PROX1: variants seen among roughly 807,000 people sequenced by gnomAD.
The protein encoded by PROX1 is prospero homeobox protein 1.
PROX1 carries 7 observed loss-of-function variants against 58.8 expected under a neutral mutation model. The observed-to-expected ratio is 0.12, with a 90% CI of 0.07 to 0.22. The LOEUF is 0.22. PROX1 is among the 10% of genes least tolerant of loss of function. The pLI is 1.00. For missense variants in PROX1, 675 were observed against 927.8 expected, an observed-to-expected ratio of 0.73 and a Z score of 3.54; for synonymous variants, 350 against 358.3, an observed-to-expected ratio of 0.98 and a Z score of 0.26.
At chr1:214,009,543 AG>A (rs931103404) in intron 3 of PROX1, among the ~76,000 whole-genome samples, 10 of 152,254 alleles carry the variant, frequency 6.6e-5, no homozygotes, top group African/African-American at 2.4e-4. Context: ...CCTGTTCCTT[AG>A]GCTGTTGGGC....
Position 214,036,892 on chromosome 1 carries a change from A to G in PROX1, c.*1058A>G, listed in dbSNP as rs1403629448. ...GTCATCTCCTAAGAGGAACACATAT[A>G]TTTTCACAAGCAATTCCACACTATC... On this transcript the variant is annotated 3_prime_UTR_variant, in exon 5 of 5. Transcript: ENST00000366958. The G allele has an allele frequency of 6.6e-6, 1 of 152,200 alleles. No homozygotes were observed. Among genetic ancestry groups the G allele is most frequent in the Non-Finnish European group, 1.5e-5 (1 of 68,042 alleles). 9.4% of individuals were successfully genotyped at this position (152,200 alleles called of 1,614,324 possible). A position where few individuals can be genotyped will look rare whatever the true frequency, so the allele number is the denominator to read the frequency against.
At chr1:214,007,896 C>T (rs959446344) in intron 3 of PROX1, among the ~76,000 whole-genome samples, 4 of 152,136 alleles carry the variant, frequency 2.6e-5, no homozygotes, top group African/African-American at 9.7e-5. Context: ...ATGAAACCTG[C>T]ATCATTTATC....
At chr1:214,034,330 C>T (rs1207810760) in intron 4 of PROX1, among the ~76,000 whole-genome samples, 2 of 152,154 alleles carry the variant, frequency 1.3e-5, no homozygotes, top group African/African-American at 2.4e-5. Context: ...TACTTTGGTA[C>T]GTGGCATGTC....
At chr1:213,990,261 G>C (rs1354812959) in intron 1 of PROX1, among the ~76,000 whole-genome samples, 1 of 151,876 alleles carries the variant, frequency 6.6e-6, no homozygotes, top group Non-Finnish European at 1.5e-5. Context: ...TGTCAAGAAA[G>C]ACAGGTGCAA....
Position 214,039,970 on chromosome 1 carries a change from C to A in PROX1, c.*4136C>A. ...AAGCAGTGTATATGTGAAGACAGTG[C>A]AAAAATCTCTTTGCCATGTATATTA... is the stretch of plus-strand genomic sequence containing the variant. On this transcript the variant is annotated 3_prime_UTR_variant, in exon 5 of 5. Transcript: ENST00000366958. 6.6e-6 allele frequency: 1 copy of A among 152,140 alleles called. No individual in the cohort carries two copies. Among genetic ancestry groups the A allele is most frequent in the South Asian group, 2.1e-4 (1 of 4,826 alleles). 9.4% of individuals were successfully genotyped at this position (152,140 alleles called of 1,614,324 possible).
chr1:214,002,389 C>T (rs962838973), intron 2 of PROX1, among the ~76,000 whole-genome samples: 3 of 137,320 alleles, frequency 2.2e-5, no homozygotes, highest in African/African-American at 8.2e-5. Context: ...GATTTATCAT[C>T]TTTTCTTTTT....
intron 2 of PROX1, among the ~76,000 whole-genome samples, chr1:214,003,598 A>C (rs1663601924): frequency 6.6e-6 from 1 of 152,206 alleles, no homozygotes; most frequent in Non-Finnish European, 1.5e-5. Context: ...CAGATATAAA[A>C]TCAAAATTTC....
rs66460564 is a variant in PROX1 at position 213,994,750 on chromosome 1, AAT to A, written c.-67-1667_-67-1666del. 7.1e-3 allele frequency among the ~76,000 whole-genome samples: 624 copies of A among 87,802 alleles called. 2 individuals are homozygous for A. The highest frequency in any genetic ancestry group is 0.01 in the African/African-American group (250 of 23,944). The allele number at this position is 87,802 out of a possible 152,430, so 57.6% of individuals were successfully genotyped here. A position where few individuals can be genotyped will look rare whatever the true frequency, so the allele number is the denominator to read the frequency against. On this transcript the variant is annotated intron_variant, in intron 1 of 4. Transcript: ENST00000366958. ...AAAGTATTTCATTCTCAAGCATGCA[AAT>A]ATATATATATATATATATATATATA...
At chr1:213,984,396 TTG>T (rs1210691394), upstream of PROX1, 2 of 152,228 alleles carry the variant, frequency 1.3e-5, no homozygotes, top group Admixed American at 1.3e-4. Flanking sequence ...ATCCAAATTC[TTG>T]TAAGGGTTAT....
chr1:213,997,059 G>A lies in PROX1; in HGVS notation c.524G>A (p.Gly175Asp). The change falls in exon 2 of 5, where the codon GGT (glycine) becomes GAT (aspartate). Residue 175 changes from glycine (G) to aspartate (D), a missense_variant. Around this residue, in one of 8 missense-constraint regions of PROX1, gnomAD observed 403 missense variants for 477.4 expected, o/e 0.84. Coordinates refer to ENST00000366958, the MANE Select transcript of PROX1 (RefSeq NM_001270616.2). This position sits in a 1 kb window ranked among gnomAD's most constrained non-coding sequence, Gnocchi z 7.1. ...GCCCGGGTTGAGAATATAATTCGGG[G>A]TATGAGCCATTCCCCCAGTGTGGCA... ...KRARVENIIRGMSHSPSVALR... is the reference protein window; with the variant it reads ...KRARVENIIRDMSHSPSVALR... 6.2e-7 allele frequency: 1 copy of A among 1,614,062 alleles called. No individual in the cohort carries two copies. Among genetic ancestry groups the A allele is most frequent in the Non-Finnish European group, 8.5e-7 (1 of 1,180,030 alleles).
Position 213,998,237 on chromosome 1 carries a change from A to G in PROX1, c.1702A>G (p.Ile568Val). The G allele has an allele frequency of 1.3e-6, 2 of 1,575,838 alleles. No individual in the cohort carries two copies. The highest frequency in any genetic ancestry group is 2.3e-5 in the South Asian group (2 of 86,318). The change falls in exon 2 of 5, where the codon ATA (isoleucine) becomes GTA (valine). Residue 568 changes from isoleucine to valine, a missense_variant. Coordinates refer to ENST00000366958, the MANE Select transcript of PROX1 (RefSeq NM_001270616.2). ...ECGDLQDMSE[I>V]SPYSGSAMQE... The stretch of plus-strand genomic sequence containing the variant: ...CGGCGATCTTCAAGATATGTCTGAA[A>G]TATCACCTTATTCGGGAAGTGCAAT...
chr1:214,022,154 C>T (rs1558184095), intron 4 of PROX1, among the ~76,000 whole-genome samples: 1 of 152,226 alleles, frequency 6.6e-6, no homozygotes, highest in Non-Finnish European at 1.5e-5. Flanking sequence ...AGCATGGACT[C>T]TCCAGCCAGG....
chr1:214,034,435 C>A (rs1185334304), intron 4 of PROX1, among the ~76,000 whole-genome samples: 1 of 152,134 alleles, frequency 6.6e-6, no homozygotes, highest in Non-Finnish European at 1.5e-5. Flanking sequence ...CATACGTCTG[C>A]ACTTAATGTA....
intron 1 of PROX1, among the ~76,000 whole-genome samples, chr1:213,992,135 C>A (rs1197756601): frequency 6.6e-6 from 1 of 152,096 alleles, no homozygotes; most frequent in African/African-American, 2.4e-5. Context: ...ATATTTTAGG[C>A]ATGTCTCAGA....
intron 4 of PROX1, among the ~76,000 whole-genome samples, chr1:214,025,862 C>T (rs557060772): frequency 1.1e-4 from 17 of 152,144 alleles, no homozygotes; most frequent in African/African-American, 4.1e-4. Flanking sequence ...CGGGGTTTCA[C>T]CATCTTGGCC....
chr1:214,039,674 AT>A lies in PROX1; in HGVS notation c.*3841del, dbSNP rs935665661. 6.6e-6 allele frequency: 1 copy of A among 152,200 alleles called. No homozygotes were observed. Among genetic ancestry groups the A allele is most frequent in the African/African-American group, 2.4e-5 (1 of 41,456 alleles). The allele number at this position is 152,200 out of a possible 1,614,324, so 9.4% of individuals were successfully genotyped here. The stretch of plus-strand genomic sequence containing the variant: ...TGCTCTCTCCTTTTAAAAGTTAACA[AT>A]CTCTTTTATCAGATGTCAAGGGCAA... On this transcript the variant is annotated 3_prime_UTR_variant, in exon 5 of 5. Transcript: ENST00000366958.
rs114411286 is a variant in PROX1 at position 213,990,472 on chromosome 1, T to C, written c.-68+1989T>C. On this transcript the variant is annotated intron_variant, in intron 1 of 4. Transcript: ENST00000366958. The stretch of plus-strand genomic sequence containing the variant: ...GCAAGTTGGTATGTGTTTGTTTATT[T>C]TTCTTAAGGATATTGGCAGTCTACT... Among the ~76,000 whole-genome samples the C allele has an allele frequency of 1.1e-3, 166 of 151,796 alleles. 2 individuals are homozygous for C. The highest frequency in any genetic ancestry group is 4.0e-3 in the African/African-American group (164 of 41,486).
At chr1:214,006,179 A>T (rs527638472) in intron 3 of PROX1, among the ~76,000 whole-genome samples, 1 of 69,070 alleles carries the variant, frequency 1.4e-5, no homozygotes, top group South Asian at 4.5e-4. Flanking sequence ...GCCCACCCCC[A>T]TATGTACAAG....
In PROX1 at chr1:214,005,175, G is replaced by T; in HGVS notation, c.1736G>T (p.Gly579Val). The T allele has an allele frequency of 6.2e-7, 1 of 1,613,690 alleles. No individual in the cohort carries two copies. Among genetic ancestry groups the T allele is most frequent in the South Asian group, 1.1e-5 (1 of 91,072 alleles). ...CCAATTGCATCCTACATGCAGGAAG[G>T]ATTGTCACCCAATCACTTGAAAAAA... ...SPYSGSAMQE[G>V]LSPNHLKKAK... is the part of the protein sequence containing the mutation. Residue 579 changes from glycine (G) to valine (V), a missense_variant, in exon 3 of 5, where the codon GGA (glycine) becomes GTA (valine). Gly to Val is a moderately radical substitution (Grantham distance 109). This residue lies in a region of PROX1 where 39 missense variants were observed against 73.4 expected (regional missense o/e 0.53). Transcript: ENST00000366958.
Sources: gnomAD v4.1 joint callset for allele counts (sites outside exome capture counted in the v4.1 genomes callset) on GRCh38, gnomAD v4.1.1 for gene constraint, gnomAD v4.1.1 regional missense constraint, Gnocchi (gnomAD v3.1) non-coding constraint, MANE v1.5 for transcripts, NCBI Gene and HGNC (gene_info 2026-07-23, HGNC 2026-07-21) for gene names.